IMPDH1: variants seen among roughly 807,000 people sequenced by gnomAD.
IMPDH1 encodes inosine monophosphate dehydrogenase 1, also known as inosine-5'-monophosphate dehydrogenase 1.
In IMPDH1, 41 loss-of-function variants were observed where a neutral mutation model predicts 73.5. That is an observed-to-expected ratio of 0.56 (90% CI 0.43 to 0.72). IMPDH1 has a LOEUF of 0.72. Ranked by LOEUF, IMPDH1 falls within the 30% of genes least tolerant of loss-of-function variation. The probability of loss-of-function intolerance (pLI) is 0.00; values close to 1 mark genes in which losing one functional copy is unlikely to be tolerated. For synonymous variants in IMPDH1, 318 were observed against 334.3 expected (o/e 0.95, Z 0.53); for missense variants, 645 against 824.8 (o/e 0.78, Z 2.67).
intron 16 of IMPDH1, among the ~76,000 whole-genome samples, chr7:128,393,432 T>C (rs1189545731): frequency 6.6e-6 from 1 of 152,204 alleles, no homozygotes; most frequent in Non-Finnish European, 1.5e-5. Context: ...CTGCTTGTGG[T>C]CACTGGGTCC....
At chr7:128,402,704 AAAG>A (rs1248491130) in intron 5 of IMPDH1, among the ~76,000 whole-genome samples, 1 of 112,626 alleles carries the variant, frequency 8.9e-6, no homozygotes, top group African/African-American at 2.8e-5. Context: ...TAGCAACAGA[AAAG>A]AAATGTTTTT....
Position 128,396,940 on chromosome 7 carries a change from C to T in IMPDH1, c.1157G>A (p.Gly386Glu). Reference sequence around the variant, plus strand: ...GGCGACCCCGCACTCACCGTTCCCCCCAATCACCTGGAGGTGGGGGTACTT... The same window carrying T: ...GGCGACCCCGCACTCACCGTTCCCCTCAATCACCTGGAGGTGGGGGTACTT... The part of the protein sequence containing the change: ...KQKYPHLQVI[G>E]GNVVTAAQAK... The change falls in exon 11 of 17, where the codon GGG becomes GAG. Residue 386 changes from glycine to glutamate, a missense_variant. Gly to Glu is a moderately conservative substitution (Grantham distance 98). This residue lies in a region of IMPDH1 where 459 missense variants were observed against 638.2 expected (regional missense o/e 0.72). Coordinates refer to ENST00000338791, the MANE Select transcript of IMPDH1 (RefSeq NM_000883.4). The surrounding 1 kb of genome is among the most constrained non-coding windows in gnomAD (Gnocchi z 4.0). The T allele has an allele frequency of 1.2e-6, 2 of 1,612,822 alleles. No homozygotes were observed. Among genetic ancestry groups the T allele is most frequent in the Non-Finnish European group, 1.7e-6 (2 of 1,179,110 alleles).
At chr7:128,402,071 G>C (rs1011378605) in intron 5 of IMPDH1, among the ~76,000 whole-genome samples, 6 of 151,860 alleles carry the variant, frequency 4.0e-5, no homozygotes, top group African/African-American at 1.4e-4. Flanking sequence ...AGAAGCCACA[G>C]GACAAGGAGA....
rs929031824 is a variant in IMPDH1 at position 128,398,027 on chromosome 7, G to A, written c.1074+387C>T. ...TGGAGTTAGTTCACTAAGGATAATG[G>A]CTTCTAGCTCTGTCCATGTTGCTGC... On this transcript the variant is annotated intron_variant, in intron 10 of 16. Coordinates refer to ENST00000338791, the MANE Select transcript of IMPDH1 (RefSeq NM_000883.4). This position sits in a 1 kb window ranked among gnomAD's most constrained non-coding sequence, Gnocchi z 4.3. Among the ~76,000 whole-genome samples, 1 of 152,174 alleles carries A rather than the reference G, an allele frequency of 6.6e-6. No individual in the cohort carries two copies. The highest frequency in any genetic ancestry group is 2.4e-5 in the African/African-American group (1 of 41,418).
chr7:128,408,589 G>A (rs534591713), intron 3 of IMPDH1, among the ~76,000 whole-genome samples: 1 of 152,246 alleles, frequency 6.6e-6, no homozygotes, highest in East Asian at 1.9e-4. Flanking sequence ...TTGGGGGTGG[G>A]GGTAGGGATG....
intron 5 of IMPDH1, among the ~76,000 whole-genome samples, chr7:128,402,882 C>T (rs1318043778): frequency 1.3e-5 from 2 of 152,176 alleles, no homozygotes; most frequent in East Asian, 3.8e-4. Flanking sequence ...ACTGCGTTTC[C>T]TTGTATTTAT....
At chr7:128,399,001 A>G (rs1435305178) in intron 9 of IMPDH1, among the ~76,000 whole-genome samples, 1 of 152,212 alleles carries the variant, frequency 6.6e-6, no homozygotes, top group Non-Finnish European at 1.5e-5. Context: ...ACCCTCCAGT[A>G]TGGACCAGGG....
chr7:128,408,082 A>G (rs1053171718), intron 3 of IMPDH1, among the ~76,000 whole-genome samples: 6 of 151,970 alleles, frequency 3.9e-5, no homozygotes, highest in Admixed American at 3.3e-4. Flanking sequence ...TGCTTCCTCC[A>G]TGGGGAGGAG....
rs1443988483 is a variant in IMPDH1 at position 128,400,096 on chromosome 7, T to C, written c.873A>G (p.Lys291=). The C allele has an allele frequency of 1.2e-6, 2 of 1,610,678 alleles. No homozygotes were observed. Among genetic ancestry groups the C allele is most frequent in the South Asian group, 1.1e-5 (1 of 91,058 alleles). The part of the protein sequence containing the change: ...EANEILQRSK[K]GKLPIVNDCD... ...AGTTTTCAACTAGCTCCCTGGTACC[T>C]TTCTTGCTACGCTGCAGGATCTCAT... Residue 291 remains lysine (K), a splice_region_variant and synonymous_variant, in exon 9 of 17, where the codon AAA becomes AAG. Transcript: ENST00000338791.
Position 128,409,852 on chromosome 7 carries a change from G to A in IMPDH1, c.50C>T (p.Ala17Val), listed in dbSNP as rs1459368145. 4 of 1,491,604 alleles carry A rather than the reference G, an allele frequency of 2.7e-6. No individual in the cohort carries two copies. Among genetic ancestry groups the A allele is most frequent in the Admixed American group, 2.2e-5 (1 of 45,580 alleles). The allele number at this position is 1,491,604 out of a possible 1,614,324, so 92.4% of individuals were successfully genotyped here. The part of the protein sequence containing the change: ...PPPLQGGGAA[A>V]VPEPGARQHP... Reference sequence around the variant, plus strand: ...TTGCCGGGCTCCGGGCTCCGGAACAGCGGCGGCTCCGCCTCCCTGCAGCGG... The same window carrying A: ...TTGCCGGGCTCCGGGCTCCGGAACAACGGCGGCTCCGCCTCCCTGCAGCGG... The change falls in exon 1 of 17, where the codon GCT becomes GTT. Residue 17 changes from alanine to valine, a missense_variant. Around this residue, in one of 2 missense-constraint regions of IMPDH1, gnomAD observed 186 missense variants for 186.6 expected, o/e 1.00. Transcript: ENST00000338791.
At chr7:128,402,337 A>G (rs1045339393) in intron 5 of IMPDH1, among the ~76,000 whole-genome samples, 1 of 152,202 alleles carries the variant, frequency 6.6e-6, no homozygotes, top group Non-Finnish European at 1.5e-5. Flanking sequence ...TCCTGACCTC[A>G]GGTGATCCTC....
At chr7:128,393,835 C>T (rs569518424) in intron 16 of IMPDH1, 1 of 297,326 alleles carries the variant, frequency 3.4e-6, no homozygotes, top group East Asian at 8.5e-5. Flanking sequence ...CCTGCAACTA[C>T]TGCTGCCAAC....
At chr7:128,400,921 C>T (rs767720822) in intron 6 of IMPDH1, 30 bp from the exon 7 acceptor site, 13 of 1,608,290 alleles carry the variant, frequency 8.1e-6, no homozygotes, top group Admixed American at 5.0e-5. Context: ...TGGTCAGAGC[C>T]GGGGCCCATT....
Position 128,405,789 on chromosome 7 carries a change from T to C in IMPDH1, c.331A>G (p.Ser111Gly), listed in dbSNP as rs1798690036. 2 of 1,540,310 alleles carry C rather than the reference T, an allele frequency of 1.3e-6. No individual in the cohort carries two copies. Among genetic ancestry groups the C allele is most frequent in the Admixed American group, 2.0e-5 (1 of 50,586 alleles). ...DGLTAQQLFA[S>G]ADGLTYNDFL... ...TACTTGTAGGTGAGGCCGTCGGCGCTGGCGAAGAGCTGCTGCGCGGTGAGC... is the reference window on the plus strand; with the variant it reads ...TACTTGTAGGTGAGGCCGTCGGCGCCGGCGAAGAGCTGCTGCGCGGTGAGC... Residue 111 changes from serine (S) to glycine (G), a missense_variant, in exon 4 of 17, where the codon AGC (serine) becomes GGC (glycine). Ser to Gly is a moderately conservative substitution (Grantham distance 56, BLOSUM62 0). Around this residue, in one of 2 missense-constraint regions of IMPDH1, gnomAD observed 186 missense variants for 186.6 expected, o/e 1.00. Transcript: ENST00000338791.
Position 128,394,588 on chromosome 7 carries a change from T to G in IMPDH1, c.1562A>C (p.Lys521Thr), listed in dbSNP as rs1249491895. Residue 521 changes from lysine to threonine, a missense_variant, in exon 15 of 17, where the codon AAA becomes ACA. By Grantham distance (78) the Lys-to-Thr change is moderately conservative. This residue lies in a region of IMPDH1 where 459 missense variants were observed against 638.2 expected (regional missense o/e 0.72). Transcript: ENST00000338791. The surrounding 1 kb of genome is among the most constrained non-coding windows in gnomAD (Gnocchi z 5.5). ...SQKRYFSEGD[K>T]VKIAQGVSGS... ...CGAGACACCCTGCGCGATCTTCACT[T>G]TATCCCCCTCGCTGCGTGGAGGGTG... The G allele has an allele frequency of 6.2e-7, 1 of 1,613,780 alleles. No individual in the cohort carries two copies. The highest frequency in any genetic ancestry group is 1.1e-5 in the South Asian group (1 of 91,078).
intron 3 of IMPDH1, among the ~76,000 whole-genome samples, chr7:128,409,054 C>G (rs1163668977): frequency 6.6e-6 from 1 of 152,218 alleles, no homozygotes; most frequent in African/African-American, 2.4e-5. Flanking sequence ...TCCTCTGGAC[C>G]GGAAGGACAG....
Position 128,394,125 on chromosome 7 carries a change from C to G in IMPDH1, c.1778+153G>C. On this transcript the variant is annotated intron_variant, in intron 16 of 16. Coordinates refer to ENST00000338791, the MANE Select transcript of IMPDH1 (RefSeq NM_000883.4). This position sits in a 1 kb window ranked among gnomAD's most constrained non-coding sequence, Gnocchi z 5.5. Reference sequence around the variant, plus strand: ...GACAAGGAACAGGGGGCTGGGCCCCCGAAGAGAGGGTGAGGGGCCATCCTG... The same window carrying G: ...GACAAGGAACAGGGGGCTGGGCCCCGGAAGAGAGGGTGAGGGGCCATCCTG... 1 of 690,524 alleles carries G rather than the reference C, an allele frequency of 1.4e-6. No homozygotes were observed. The highest frequency in any genetic ancestry group is 2.6e-6 in the Non-Finnish European group (1 of 386,744). 42.8% of individuals were successfully genotyped at this position (690,524 alleles called of 1,614,324 possible).
intron 4 of IMPDH1, among the ~76,000 whole-genome samples, chr7:128,404,469 G>A (rs1259872836): frequency 6.6e-6 from 1 of 152,184 alleles, no homozygotes; most frequent in African/African-American, 2.4e-5. Context: ...GTACATCTAG[G>A]TGCAGGGTCA....
At chr7:128,408,172 T>C (rs2116739474) in intron 3 of IMPDH1, among the ~76,000 whole-genome samples, 1 of 152,204 alleles carries the variant, frequency 6.6e-6, no homozygotes, top group South Asian at 2.1e-4. Context: ...GCTGTGGGGA[T>C]AGGAAGGCAG....
Sources: allele counts gnomAD v4.1 joint callset (sites outside exome capture counted in the v4.1 genomes callset), GRCh38; gene constraint gnomAD v4.1.1; regional missense constraint gnomAD v4.1.1; non-coding constraint Gnocchi (gnomAD v3.1); transcripts MANE v1.5; gene names NCBI Gene and HGNC (gene_info 2026-07-23, HGNC 2026-07-21).